Variants in PHACTR1 observed in about 807,000 individuals in gnomAD.
PHACTR1 encodes the protein RPEL repeat containing 1.
In PHACTR1, 16 loss-of-function variants were observed where a neutral mutation model predicts 69.2. The ratio of observed to expected loss-of-function variants is 0.23; its 90% CI spans 0.16 to 0.35. PHACTR1 has a LOEUF of 0.35. PHACTR1 is among the 10% of genes least tolerant of loss of function. The pLI is 1.00. For missense variants in PHACTR1, 510 were observed against 734.7 expected (o/e 0.69, Z 3.54); for synonymous variants, 312 against 284.5 (o/e 1.10, Z -0.97).
chr6:12,717,902 C>CA (rs1364741168), intron 2 of PHACTR1, among the ~76,000 whole-genome samples, 159 bp downstream of exon 2: 7 of 151,804 alleles, frequency 4.6e-5, no homozygotes, highest in South Asian at 2.1e-4. Context: ...TAATTCTTTC[C>CA]AAAAAAATAT....
At chr6:12,933,466 C>G (rs1004501448) in intron 4 of PHACTR1, among the ~76,000 whole-genome samples, 1 of 152,088 alleles carries the variant, frequency 6.6e-6, no homozygotes, top group Admixed American at 6.5e-5. Context: ...CCAAATGACA[C>G]CAAAACAAGG....
chr6:12,876,786 G>T lies in PHACTR1; in HGVS notation c.250+126996G>T, dbSNP rs529361237. ...ATAGGTAGGTTTATTATGAGGAATTGGCTCATAGGATATGGAGGCTGAGAA... is the reference window on the plus strand; with the variant it reads ...ATAGGTAGGTTTATTATGAGGAATTTGCTCATAGGATATGGAGGCTGAGAA... On this transcript the variant is annotated intron_variant, in intron 4 of 14. Coordinates refer to ENST00000332995, the MANE Select transcript of PHACTR1 (RefSeq NM_030948.6). 5.3e-5 allele frequency among the ~76,000 whole-genome samples: 8 copies of T among 152,294 alleles called. No homozygotes were observed. In the South Asian group the frequency reaches 1.7e-3, roughly 32 times the overall value.
At chr6:12,765,211 CT>C (rs1224827739) in intron 4 of PHACTR1, among the ~76,000 whole-genome samples, 1 of 152,182 alleles carries the variant, frequency 6.6e-6, no homozygotes, top group Non-Finnish European at 1.5e-5. Flanking sequence ...GACTTGCTAT[CT>C]TTTATTTTGA....
At chr6:12,718,591 T>C (rs1370234127) in intron 2 of PHACTR1, 108 bp from the exon 3 acceptor site, 1 of 386,504 alleles carries the variant, frequency 2.6e-6, no homozygotes, top group Non-Finnish European at 4.6e-6. Context: ...AATCAAGTAG[T>C]AGAATATTAT....
chr6:13,124,332 ATC>A (rs1819191795), intron 5 of PHACTR1, among the ~76,000 whole-genome samples: 2 of 152,076 alleles, frequency 1.3e-5, no homozygotes, highest in Admixed American at 1.3e-4. Flanking sequence ...CTATAATAAC[ATC>A]TGTTTCCATT....
intron 6 of PHACTR1, among the ~76,000 whole-genome samples, chr6:13,174,356 T>C (rs954485958): frequency 2.6e-5 from 4 of 152,264 alleles, no homozygotes; most frequent in Non-Finnish European, 5.9e-5. Context: ...TTGCTAACTA[T>C]AGCCATAGGT....
At chr6:13,168,826 A>C (rs1027294512) in intron 6 of PHACTR1, among the ~76,000 whole-genome samples, 2 of 152,196 alleles carry the variant, frequency 1.3e-5, no homozygotes, top group African/African-American at 4.8e-5. Context: ...AGTGCCCAGC[A>C]TGTCTGTAAG....
intron 4 of PHACTR1, among the ~76,000 whole-genome samples, chr6:12,779,568 A>T (rs1241372650): frequency 2.0e-5 from 3 of 152,134 alleles, no homozygotes; most frequent in African/African-American, 7.2e-5. Context: ...CTTCTAACCC[A>T]TTAGTTCCAT....
At chr6:12,766,715 ACTAT>A (rs1768659750) in intron 4 of PHACTR1, among the ~76,000 whole-genome samples, 1 of 152,336 alleles carries the variant, frequency 6.6e-6, no homozygotes, top group Non-Finnish European at 1.5e-5. Flanking sequence ...TACTGTCAGC[ACTAT>A]CTAAGTACAC....
At chr6:13,271,797 T>C (rs776713952) in intron 10 of PHACTR1, among the ~76,000 whole-genome samples, 2 of 152,064 alleles carry the variant, frequency 1.3e-5, no homozygotes, top group East Asian at 1.9e-4. Context: ...GGAGACTTCA[T>C]TGACTTGATA....
chr6:12,782,202 G>T lies in PHACTR1; in HGVS notation c.250+32412G>T, dbSNP rs1205897939. Among the ~76,000 whole-genome samples the T allele has an allele frequency of 2.0e-5, 3 of 152,134 alleles. No homozygotes were observed. In the East Asian group the frequency reaches 5.8e-4, roughly 29 times the overall value. On this transcript the variant is annotated intron_variant, in intron 4 of 14. Transcript: ENST00000332995. ...TATCAAGGCATCTCATAGGTTTCTG[G>T]TCAACCCAAGGGTTGGCAGTCAGGT... is the stretch of plus-strand genomic sequence containing the variant.
At chr6:12,807,880 C>T (rs2127688805) in intron 4 of PHACTR1, among the ~76,000 whole-genome samples, 1 of 152,336 alleles carries the variant, frequency 6.6e-6, no homozygotes, top group Middle Eastern at 3.4e-3. Flanking sequence ...CTTTGCATCA[C>T]TGTGTCTCGT....
intron 10 of PHACTR1, among the ~76,000 whole-genome samples, chr6:13,238,060 T>C (rs1772270579): frequency 6.8e-6 from 1 of 147,502 alleles, no homozygotes; most frequent in Non-Finnish European, 1.5e-5. Flanking sequence ...AGGTCTTTGT[T>C]TTAGGAATTT....
At chr6:12,948,275 C>T (rs1040766938) in intron 4 of PHACTR1, among the ~76,000 whole-genome samples, 3 of 152,120 alleles carry the variant, frequency 2.0e-5, no homozygotes, top group African/African-American at 7.2e-5. Context: ...TTGAAACAAT[C>T]ATGATCATGA....
At chr6:13,132,792 G>C (rs1005117732) in intron 5 of PHACTR1, among the ~76,000 whole-genome samples, 9 of 152,050 alleles carry the variant, frequency 5.9e-5, no homozygotes, top group African/African-American at 2.2e-4. Context: ...TCTTGCTGAT[G>C]GAGGGCCTTG....
intron 4 of PHACTR1, among the ~76,000 whole-genome samples, chr6:12,866,951 T>C (rs1781523175): frequency 6.6e-6 from 1 of 152,092 alleles, no homozygotes; most frequent in Non-Finnish European, 1.5e-5. Context: ...AAATGCTTTT[T>C]TATCCTCCTC....
At chr6:13,054,500 C>G (rs7762827) in intron 5 of PHACTR1, among the ~76,000 whole-genome samples, 36,926 of 152,156 alleles carry the variant, frequency 0.24, 4,847 homozygotes, top group African/African-American at 0.33. Context: ...AGTCCTAGAT[C>G]AAGTTGCTGA....
At chr6:13,005,052 A>G (rs9463364) in intron 4 of PHACTR1, among the ~76,000 whole-genome samples, 73,575 of 151,486 alleles carry the variant, frequency 0.49, 19,907 homozygotes, top group African/African-American at 0.73. Flanking sequence ...AAAGCCCAGC[A>G]GTTTCTCAGA....
At chr6:13,268,237 A>G (rs889247998) in intron 10 of PHACTR1, among the ~76,000 whole-genome samples, 23 of 152,238 alleles carry the variant, frequency 1.5e-4, no homozygotes, top group Non-Finnish European at 3.2e-4. Context: ...ACTGCACTCC[A>G]GCGTGGGTGA....
Sources: gnomAD v4.1 joint callset for allele counts (sites outside exome capture counted in the v4.1 genomes callset) on GRCh38, gnomAD v4.1.1 for gene constraint, MANE v1.5 for transcripts, NCBI Gene and HGNC (gene_info 2026-07-23, HGNC 2026-07-21) for gene names.